BRIP1: variants seen among roughly 807,000 people sequenced by gnomAD.
The protein encoded by BRIP1 is BRCA1 interacting DNA helicase 1.
In BRIP1, 88 loss-of-function variants were observed where a neutral mutation model predicts 119.7. The observed-to-expected ratio is 0.74, with a 90% CI of 0.62 to 0.88. The LOEUF is 0.88. Ranked by LOEUF, BRIP1 falls within the 40% of genes least tolerant of loss-of-function variation. The probability of loss-of-function intolerance (pLI) is 0.00; values close to 1 mark genes in which losing one functional copy is unlikely to be tolerated. For synonymous variants in BRIP1, 443 were observed against 496.5 expected (o/e 0.89, Z 1.43); for missense variants, 1,259 against 1,455.4 (o/e 0.87, Z 2.20).
intron 6 of BRIP1, among the ~76,000 whole-genome samples, chr17:61,817,752 T>C (rs1279316870): frequency 6.6e-6 from 1 of 152,208 alleles, no homozygotes; most frequent in Non-Finnish European, 1.5e-5. Flanking sequence ...TCAGAGATTC[T>C]AGAAAACCAA....
In BRIP1 at chr17:61,814,905, TC is replaced by T. The variant is rs1411331315; in HGVS notation, c.628-6149del. On this transcript the variant is annotated intron_variant, in intron 6 of 19. Coordinates refer to ENST00000259008, the MANE Select transcript of BRIP1 (RefSeq NM_032043.3). This position sits in a 1 kb window ranked among gnomAD's most constrained non-coding sequence, Gnocchi z 4.9. ...AATATATGAATGACAGTTGTATGCA[TC>T]GACATCGATAAACATGAACAAGCAG... Among the ~76,000 whole-genome samples, 1 of 151,968 alleles carries T rather than the reference TC, an allele frequency of 6.6e-6. No individual in the cohort carries two copies. Among genetic ancestry groups the T allele is most frequent in the African/African-American group, 2.4e-5 (1 of 41,398 alleles).
chr17:61,729,653 C>T lies in BRIP1; in HGVS notation c.2379+13360G>A, dbSNP rs2076817734. 6.6e-6 allele frequency among the ~76,000 whole-genome samples: 1 copy of T among 152,140 alleles called. No individual in the cohort carries two copies. Reference sequence around the variant, plus strand: ...TCTACTGTATTTAGTGTATATTAGACTCTTGGTAAGTGCTTTATTGGACGT... The same window carrying T: ...TCTACTGTATTTAGTGTATATTAGATTCTTGGTAAGTGCTTTATTGGACGT... On this transcript the variant is annotated intron_variant, in intron 16 of 19. Coordinates refer to ENST00000259008, the MANE Select transcript of BRIP1 (RefSeq NM_032043.3). This position sits in a 1 kb window ranked among gnomAD's most constrained non-coding sequence, Gnocchi z 5.6.
intron 6 of BRIP1, among the ~76,000 whole-genome samples, chr17:61,820,036 T>TA (rs1243458507): frequency 0.015 from 2,042 of 137,406 alleles, 24 homozygotes; most frequent in African/African-American, 0.021. Context: ...AATTAAAAAT[T>TA]AAAAAAAAAA....
chr17:61,850,753 G>A (rs1344575819), intron 4 of BRIP1, among the ~76,000 whole-genome samples: 1 of 151,864 alleles, frequency 6.6e-6, no homozygotes, highest in East Asian at 2.0e-4. Flanking sequence ...TCTTGAACCT[G>A]GGAGGCAGAG....
rs1057520658 is a variant in BRIP1 at position 61,849,110 on chromosome 17, G to T, written c.507+19C>A. The T allele has an allele frequency of 6.2e-7, 1 of 1,612,832 alleles. No individual in the cohort carries two copies. Among genetic ancestry groups the T allele is most frequent in the Non-Finnish European group, 8.5e-7 (1 of 1,179,146 alleles). Reference sequence around the variant, plus strand: ...GCTGTAACTAACTGGGTTATTTACTGCCAATAAACTCTGTTTACCTGCTGT... The same window carrying T: ...GCTGTAACTAACTGGGTTATTTACTTCCAATAAACTCTGTTTACCTGCTGT... On this transcript the variant is annotated intron_variant, in intron 5 of 19. Coordinates refer to ENST00000259008, the MANE Select transcript of BRIP1 (RefSeq NM_032043.3).
chr17:61,694,342 A>T (rs2061492721), intron 17 of BRIP1, among the ~76,000 whole-genome samples: 1 of 152,092 alleles, frequency 6.6e-6, no homozygotes, highest in African/African-American at 2.4e-5. Flanking sequence ...GAATCAGACA[A>T]TATGTAGCAT....
chr17:61,859,027 C>A (rs1165242356), intron 3 of BRIP1, among the ~76,000 whole-genome samples: 1 of 145,976 alleles, frequency 6.9e-6, no homozygotes, highest in East Asian at 2.0e-4. Context: ...CATCACTATG[C>A]TCCATCCCAG....
In BRIP1 at chr17:61,693,239, A is replaced by G. The variant is rs1012666407; in HGVS notation, c.2575+191T>C. Among the ~76,000 whole-genome samples, 6 of 152,176 alleles carry G rather than the reference A, an allele frequency of 3.9e-5. No individual in the cohort carries two copies. The highest frequency in any genetic ancestry group is 1.4e-4 in the African/African-American group (6 of 41,450). ...AGAGGGACATGGGGCATTGCTGTTC[A>G]GTTGGTGTTAAGTTTCAGTTATGTA... On this transcript the variant is annotated intron_variant, in intron 18 of 19. Coordinates refer to ENST00000259008, the MANE Select transcript of BRIP1 (RefSeq NM_032043.3). The surrounding 1 kb of genome is among the most constrained non-coding windows in gnomAD (Gnocchi z 4.2).
At chr17:61,719,350 T>C (rs2061934992) in intron 16 of BRIP1, among the ~76,000 whole-genome samples, 1 of 151,958 alleles carries the variant, frequency 6.6e-6, no homozygotes, top group Non-Finnish European at 1.5e-5. Flanking sequence ...TGGATGGAAC[T>C]GAGGACACTA....
chr17:61,712,588 T>C (rs2061794988), intron 17 of BRIP1, among the ~76,000 whole-genome samples: 1 of 152,148 alleles, frequency 6.6e-6, no homozygotes, highest in Non-Finnish European at 1.5e-5. Flanking sequence ...TGAAGTTAAT[T>C]AAAATTTCAT....
At position 61,832,481 on chromosome 17, in the gene BRIP1, T is replaced by C. The variant is rs933544512; in HGVS notation, c.627+14620A>G. On this transcript the variant is annotated intron_variant, in intron 6 of 19. Coordinates refer to ENST00000259008, the MANE Select transcript of BRIP1 (RefSeq NM_032043.3). This position sits in a 1 kb window ranked among gnomAD's most constrained non-coding sequence, Gnocchi z 5.5. The stretch of plus-strand genomic sequence containing the variant: ...AGCAGATATCATATTAATCAAGTTA[T>C]CAATCATTAATGAGAAAAAATGAAA... Among the ~76,000 whole-genome samples the C allele has an allele frequency of 6.6e-6, 1 of 152,208 alleles. No individual in the cohort carries two copies. The highest frequency in any genetic ancestry group is 1.5e-5 in the Non-Finnish European group (1 of 68,038).
chr17:61,772,209 A>ATATATATATATATATATATATATAT (rs1567804821), intron 14 of BRIP1, among the ~76,000 whole-genome samples: 1 of 104,104 alleles, frequency 9.6e-6, no homozygotes, highest in African/African-American at 3.5e-5. Flanking sequence ...ATATATATAT[A>ATATATATATATATATATATATATAT]AAATGAAATA....
Position 61,715,149 on chromosome 17 carries a change from G to A in BRIP1, c.2492+802C>T, listed in dbSNP as rs565044204. Among the ~76,000 whole-genome samples, 405 of 150,118 alleles carry A rather than the reference G, an allele frequency of 2.7e-3. 2 individuals carry two copies. The highest frequency in any genetic ancestry group is 4.6e-3 in the Non-Finnish European group (313 of 67,574). On this transcript the variant is annotated intron_variant, in intron 17 of 19. Coordinates refer to ENST00000259008, the MANE Select transcript of BRIP1 (RefSeq NM_032043.3). ...TGGGCGGTGGAGGATGCAGTGAGCC[G>A]ATATCACGCCACTGCACTCCAGCCT...
At position 61,726,053 on chromosome 17, in the gene BRIP1, A is replaced by G. The variant is rs1334108229; in HGVS notation, c.2380-9990T>C. ...TCTAGAACATGCCACCATTCGTGTTATAGTTTATTTTGAGGAAGAAGGTAT... is the reference window on the plus strand; with the variant it reads ...TCTAGAACATGCCACCATTCGTGTTGTAGTTTATTTTGAGGAAGAAGGTAT... On this transcript the variant is annotated intron_variant, in intron 16 of 19. Transcript: ENST00000259008. The surrounding 1 kb of genome is among the most constrained non-coding windows in gnomAD (Gnocchi z 6.2). 6.6e-6 allele frequency among the ~76,000 whole-genome samples: 1 copy of G among 152,244 alleles called. No individual in the cohort carries two copies. Among genetic ancestry groups the G allele is most frequent in the Non-Finnish European group, 1.5e-5 (1 of 68,044 alleles).
intron 6 of BRIP1, among the ~76,000 whole-genome samples, chr17:61,818,984 G>C (rs1290070996): frequency 6.6e-6 from 1 of 151,920 alleles, no homozygotes; most frequent in Non-Finnish European, 1.5e-5. Context: ...TCAGTAGTTC[G>C]AGACCAGCCT....
chr17:61,773,970 G>A (rs1309538723), intron 14 of BRIP1, among the ~76,000 whole-genome samples: 5 of 152,074 alleles, frequency 3.3e-5, no homozygotes, highest in African/African-American at 7.2e-5. Context: ...AAACAGGAAC[G>A]CTTTTACACT....
rs988945413 is a variant in BRIP1, at chr17:61,691,628, G to A, written c.2575+1802C>T. ...CCGCCACCGCACCCGGCTAATTTTT[G>A]TATTTTTAATAGAGATGGGGTTTCA... On this transcript the variant is annotated intron_variant, in intron 18 of 19. Transcript: ENST00000259008. This position sits in a 1 kb window ranked among gnomAD's most constrained non-coding sequence, Gnocchi z 5.0. 6.6e-6 allele frequency among the ~76,000 whole-genome samples: 1 copy of A among 152,112 alleles called. No homozygotes were observed. Among genetic ancestry groups the A allele is most frequent in the Non-Finnish European group, 1.5e-5 (1 of 68,022 alleles).
rs1203507440 is a variant in BRIP1 at position 61,805,331 on chromosome 17, TTAAAAA to T, written c.918+3130_918+3135del. ...TGATACCTGTTAGTCCTCCAAAGTA[TTAAAAA>T]TAAAAATTAGGAGGAAAGGACTCAT... is the stretch of plus-strand genomic sequence containing the variant. On this transcript the variant is annotated intron_variant, in intron 7 of 19. Transcript: ENST00000259008. This position sits in a 1 kb window ranked among gnomAD's most constrained non-coding sequence, Gnocchi z 5.6. Among the ~76,000 whole-genome samples the T allele has an allele frequency of 1.6e-4, 25 of 152,120 alleles. No homozygotes were observed. The highest frequency in any genetic ancestry group is 3.2e-4 in the Non-Finnish European group (22 of 68,004).
chr17:61,847,282 C>T (rs2078750453), intron 5 of BRIP1, 62 bp from the exon 6 acceptor site: 2 of 1,576,064 alleles, frequency 1.3e-6, no homozygotes, highest in South Asian at 1.1e-5. Flanking sequence ...GCTAGTTGTT[C>T]TCAAAGGCCA....
Sources: allele counts gnomAD v4.1 joint callset (sites outside exome capture counted in the v4.1 genomes callset), GRCh38; gene constraint gnomAD v4.1.1; non-coding constraint Gnocchi (gnomAD v3.1); transcripts MANE v1.5; gene names NCBI Gene and HGNC (gene_info 2026-07-23, HGNC 2026-07-21).